Variants in CPXM2 observed in about 807,000 individuals in gnomAD.
The protein encoded by CPXM2 is carboxypeptidase X, M14 family member 2.
In CPXM2, 66 loss-of-function variants were observed where a neutral mutation model predicts 86.1. The observed-to-expected ratio is 0.77, with a 90% CI of 0.63 to 0.94. The LOEUF is 0.94. Among genes scored for constraint, CPXM2 ranks in the 40% least tolerant of loss-of-function variants. The pLI is 0.00. For missense variants in CPXM2, 948 were observed against 1,026.3 expected (o/e 0.92, Z 1.04); for synonymous variants, 388 against 400.2 (o/e 0.97, Z 0.36).
At chr10:123,770,432 A>G (rs933032723) in intron 8 of CPXM2, among the ~76,000 whole-genome samples, 4 of 152,254 alleles carry the variant, frequency 2.6e-5, no homozygotes, top group Non-Finnish European at 5.9e-5. Flanking sequence ...TACCAAAAAG[A>G]AAAACAGAGA....
intron 2 of CPXM2, among the ~76,000 whole-genome samples, chr10:123,912,495 G>A (rs77523911): frequency 0.049 from 7,396 of 152,344 alleles, 591 homozygotes; most frequent in African/African-American, 0.16. Context: ...TGCATCTGCA[G>A]ACTGGTGCCC....
chr10:123,864,157 A>C (rs543169092), intron 2 of CPXM2, among the ~76,000 whole-genome samples: 1 of 151,514 alleles, frequency 6.6e-6, no homozygotes, highest in South Asian at 2.1e-4. Flanking sequence ...TCTCCCCATC[A>C]CCTGGTCTCA....
chr10:123,931,643 A>G (rs1945667162), intron 2 of CPXM2: 1 of 152,228 alleles, frequency 6.6e-6, no homozygotes, highest in African/African-American at 2.4e-5. Context: ...ATTTGAAAAC[A>G]ATGGATAAGT....
At chr10:123,786,126 T>C (rs1847048145) in intron 6 of CPXM2, among the ~76,000 whole-genome samples, 1 of 152,236 alleles carries the variant, frequency 6.6e-6, no homozygotes. Context: ...CCCACTGATT[T>C]ATGCAGATGT....
At chr10:123,835,163 C>T (rs1297889643) in intron 4 of CPXM2, among the ~76,000 whole-genome samples, 2 of 152,188 alleles carry the variant, frequency 1.3e-5, no homozygotes, top group East Asian at 1.9e-4. Flanking sequence ...GGGAAGGAGG[C>T]CCACAGCAAG....
At chr10:123,751,593 G>A (rs1174751554) in intron 13 of CPXM2, 2 of 985,238 alleles carry the variant, frequency 2.0e-6, no homozygotes, top group African/African-American at 1.7e-5. Flanking sequence ...GGAACGGTGA[G>A]CCGGGTGTCT....
chr10:123,929,410 T>A lies in CPXM2; in HGVS notation n.174+10067A>T, dbSNP rs74339291. ...CTGGTCAGCACCACTGATGGCTTTA[T>A]GGGCCAGAGTCCCTCCAGTCTTTGA... is the stretch of plus-strand genomic sequence containing the variant. On this transcript the variant is annotated intron_variant and non_coding_transcript_variant, in intron 2 of 19. Transcript: ENST00000368854. 3.6e-3 allele frequency among the ~76,000 whole-genome samples: 545 copies of A among 152,344 alleles called. 5 individuals are homozygous for A. The highest frequency in any genetic ancestry group is 0.013 in the African/African-American group (531 of 41,588).
chr10:123,891,552 G>A lies in CPXM2; in HGVS notation c.108C>T (p.Tyr36=), dbSNP rs1252695036. The part of the protein sequence containing the change: ...QGAALEDPDY[Y]GQEIWSREPY... Reference sequence around the variant, plus strand: ...GCTCCCGGCTCCAGATCTCCTGCCCGTAATAATCAGGGTCCTCGAGGGCTG... The same window carrying A: ...GCTCCCGGCTCCAGATCTCCTGCCCATAATAATCAGGGTCCTCGAGGGCTG... The change falls in exon 1 of 14, where the codon TAC becomes TAT. Residue 36 remains tyrosine (Y), a synonymous_variant. Coordinates refer to ENST00000241305, the MANE Select transcript of CPXM2 (RefSeq NM_198148.3). The surrounding 1 kb of genome is among the most constrained non-coding windows in gnomAD (Gnocchi z 5.6). 2 of 1,547,934 alleles carry A rather than the reference G, an allele frequency of 1.3e-6. No homozygotes were observed. Among genetic ancestry groups the A allele is most frequent in the African/African-American group, 1.4e-5 (1 of 72,892 alleles).
chr10:123,850,048 T>C (rs1848569881), intron 3 of CPXM2, among the ~76,000 whole-genome samples: 3 of 152,256 alleles, frequency 2.0e-5, no homozygotes, highest in Admixed American at 2.0e-4. Flanking sequence ...TCTTTTTGTC[T>C]GGCTTCTTCT....
At chr10:123,926,860 G>A (rs1945625813) in intron 2 of CPXM2, among the ~76,000 whole-genome samples, 1 of 152,208 alleles carries the variant, frequency 6.6e-6, no homozygotes, top group Admixed American at 6.5e-5. Context: ...CAGATTTTAT[G>A]TTATGTGAAG....
At chr10:123,889,744 C>T (rs114854888) in intron 1 of CPXM2, among the ~76,000 whole-genome samples, 2,686 of 152,220 alleles carry the variant, frequency 0.018, 72 homozygotes, top group African/African-American at 0.059. Context: ...ATTCCAGATC[C>T]CCAAGTTGAT....
At chr10:123,849,732 G>A (rs768852123) in intron 3 of CPXM2, among the ~76,000 whole-genome samples, 1 of 152,032 alleles carries the variant, frequency 6.6e-6, no homozygotes, top group Non-Finnish European at 1.5e-5. Flanking sequence ...CTTTTAAAAG[G>A]CTAAATCAAA....
chr10:123,908,371 A>G (rs7893799), intron 2 of CPXM2, among the ~76,000 whole-genome samples: 73,956 of 152,020 alleles, frequency 0.49, 18,561 homozygotes, highest in African/African-American at 0.63. Context: ...CTAAGGCCAA[A>G]TGCAGAAACC....
intron 11 of CPXM2, among the ~76,000 whole-genome samples, chr10:123,760,418 T>A (rs1454610537): frequency 6.6e-6 from 1 of 152,168 alleles, no homozygotes; most frequent in Non-Finnish European, 1.5e-5. Flanking sequence ...TGGATTTAGA[T>A]AAAATGCCTC....
At position 123,803,159 on chromosome 10, in the gene CPXM2, G is replaced by A. The variant is rs568139942; in HGVS notation, c.654-3960C>T. On this transcript the variant is annotated intron_variant, in intron 4 of 13. Transcript: ENST00000241305. ...TTTTTTTTTTTTTTTTTGAGACAGC[G>A]TTTTGCTCTGTCACCCAGACTGCAG... Among the ~76,000 whole-genome samples, 31 of 78,520 alleles carry A rather than the reference G, an allele frequency of 3.9e-4. 1 individual carries two copies. Among genetic ancestry groups the A allele is most frequent in the African/African-American group, 1.2e-3 (27 of 23,234 alleles). 51.5% of individuals were successfully genotyped at this position (78,520 alleles called of 152,430 possible). A position where few individuals can be genotyped will look rare whatever the true frequency, so the allele number is the denominator to read the frequency against.
intron 4 of CPXM2, among the ~76,000 whole-genome samples, chr10:123,825,682 T>G (rs542924924): frequency 6.6e-6 from 1 of 152,300 alleles, no homozygotes; most frequent in South Asian, 2.1e-4. Flanking sequence ...CCAAGCTACC[T>G]TCACCTTTTG....
At chr10:123,818,568 T>C (rs546696118) in intron 4 of CPXM2, among the ~76,000 whole-genome samples, 10 of 152,200 alleles carry the variant, frequency 6.6e-5, no homozygotes, top group Non-Finnish European at 1.3e-4. Flanking sequence ...CTACCATCTG[T>C]GGACTCACGG....
intron 2 of CPXM2, among the ~76,000 whole-genome samples, chr10:123,931,785 A>G (rs1190673439): frequency 3.9e-5 from 6 of 152,200 alleles, no homozygotes; most frequent in African/African-American, 1.4e-4. Flanking sequence ...CACCAATAAA[A>G]TGGGAGAGTA....
intron 4 of CPXM2, among the ~76,000 whole-genome samples, chr10:123,828,373 T>C (rs2134125909): frequency 6.6e-6 from 1 of 152,320 alleles, no homozygotes; most frequent in South Asian, 2.1e-4. Context: ...AATCTCATCT[T>C]GAAGTGTAGC....
Sources: gnomAD v4.1 joint callset for allele counts (sites outside exome capture counted in the v4.1 genomes callset) on GRCh38, gnomAD v4.1.1 for gene constraint, Gnocchi (gnomAD v3.1) non-coding constraint, MANE v1.5 for transcripts, NCBI Gene and HGNC (gene_info 2026-07-23, HGNC 2026-07-21) for gene names.